Variants in GRM8 observed in about 807,000 individuals in gnomAD.
The protein encoded by GRM8 is metabotropic glutamate receptor 8.
In GRM8, 47 loss-of-function variants were observed where a neutral mutation model predicts 87.2. The observed-to-expected ratio is 0.54, with a 90% CI of 0.43 to 0.69. The LOEUF (loss-of-function observed/expected upper bound fraction) is 0.69. GRM8 is among the 30% of genes least tolerant of loss of function. The probability of loss-of-function intolerance (pLI) is 0.00; values close to 1 mark genes in which losing one functional copy is unlikely to be tolerated. For missense variants in GRM8, 1,019 were observed against 1,139.2 expected (o/e 0.89, Z 1.52); for synonymous variants, 396 against 404.5 (o/e 0.98, Z 0.25).
chr7:127,203,524 A>G (rs1216021629), intron 2 of GRM8, among the ~76,000 whole-genome samples: 1 of 152,150 alleles, frequency 6.6e-6, no homozygotes, highest in Non-Finnish European at 1.5e-5. Flanking sequence ...CCTGGCCAAC[A>G]TGGTGAAACC....
At chr7:126,769,573 T>C (rs1295601060) in intron 7 of GRM8, among the ~76,000 whole-genome samples, 1 of 152,138 alleles carries the variant, frequency 6.6e-6, no homozygotes, top group Non-Finnish European at 1.5e-5. Flanking sequence ...CTAATGTCAA[T>C]GGTTTCAAAT....
intron 7 of GRM8, among the ~76,000 whole-genome samples, chr7:126,613,516 G>A (rs571913738): frequency 1.3e-5 from 2 of 152,306 alleles, no homozygotes; most frequent in East Asian, 1.9e-4. Context: ...ACTGGGGCTT[G>A]TCGGACAGTG....
intron 3 of GRM8, among the ~76,000 whole-genome samples, chr7:126,930,269 T>A (rs1333716030): frequency 6.6e-6 from 1 of 152,234 alleles, no homozygotes; most frequent in Non-Finnish European, 1.5e-5. Context: ...TCTCCTTATT[T>A]TAATGGCAAT....
chr7:126,834,275 T>C (rs1309343319), intron 6 of GRM8, among the ~76,000 whole-genome samples: 2 of 152,178 alleles, frequency 1.3e-5, no homozygotes, highest in African/African-American at 4.8e-5. Context: ...AAAAATAAGA[T>C]TTTAAGATAG....
chr7:127,020,616 C>A (rs965615764), intron 3 of GRM8, among the ~76,000 whole-genome samples: 1 of 151,976 alleles, frequency 6.6e-6, no homozygotes, highest in Admixed American at 6.6e-5. Context: ...TTCATATTTT[C>A]CTGCAGGAAC....
chr7:126,571,422 C>A (rs565908984), intron 8 of GRM8, among the ~76,000 whole-genome samples: 2 of 152,012 alleles, frequency 1.3e-5, no homozygotes, highest in Non-Finnish European at 2.9e-5. Flanking sequence ...AACTACAGAG[C>A]CATTGATGAT....
At chr7:127,119,417 C>T (rs1263450753) in intron 2 of GRM8, among the ~76,000 whole-genome samples, 1 of 151,938 alleles carries the variant, frequency 6.6e-6, no homozygotes, top group Non-Finnish European at 1.5e-5. Flanking sequence ...ACCCGGGAGA[C>T]AGAGTTTGCA....
chr7:126,798,940 T>A (rs1220097286), intron 6 of GRM8, among the ~76,000 whole-genome samples: 5 of 151,988 alleles, frequency 3.3e-5, no homozygotes, highest in African/African-American at 1.2e-4. Context: ...GAGCAAAAGT[T>A]CCAAGGCAGA....
At chr7:126,838,148 G>A (rs1795964107) in intron 6 of GRM8, among the ~76,000 whole-genome samples, 1 of 152,120 alleles carries the variant, frequency 6.6e-6, no homozygotes. Context: ...TGCATGAACT[G>A]CTAGAGTATT....
chr7:127,024,531 A>G (rs1203060068), intron 3 of GRM8, among the ~76,000 whole-genome samples: 1 of 152,050 alleles, frequency 6.6e-6, no homozygotes, highest in Non-Finnish European at 1.5e-5. Flanking sequence ...TCCATTCTTC[A>G]TATGTCACTC....
intron 3 of GRM8, among the ~76,000 whole-genome samples, chr7:127,100,709 T>C (rs915551110): frequency 1.6e-4 from 25 of 152,172 alleles, no homozygotes; most frequent in Admixed American, 1.3e-4. Flanking sequence ...TCTTATTCAT[T>C]ACCATGAGAA....
intron 7 of GRM8, among the ~76,000 whole-genome samples, chr7:126,612,977 C>A (rs1248140611): frequency 4.6e-5 from 7 of 152,192 alleles, no homozygotes; most frequent in African/African-American, 9.7e-5. Flanking sequence ...AGTTAATCAC[C>A]AGTAGCTGAA....
At chr7:126,916,455 G>C (rs1315176712) in intron 3 of GRM8, among the ~76,000 whole-genome samples, 2 of 152,110 alleles carry the variant, frequency 1.3e-5, no homozygotes, top group Admixed American at 6.6e-5. Flanking sequence ...AAAGTATCTT[G>C]GTATCTGTGT....
chr7:126,919,249 T>TA (rs1165229640), intron 3 of GRM8, among the ~76,000 whole-genome samples: 1 of 152,154 alleles, frequency 6.6e-6, no homozygotes, highest in Non-Finnish European at 1.5e-5. Flanking sequence ...CCTTCATTTG[T>TA]AAAAAGAAGG....
chr7:126,774,415 A>T (rs1819190647), intron 6 of GRM8, among the ~76,000 whole-genome samples: 1 of 152,206 alleles, frequency 6.6e-6, no homozygotes, highest in Non-Finnish European at 1.5e-5. Context: ...AGTGCTAAAT[A>T]TCGTCAAAGG....
intron 6 of GRM8, among the ~76,000 whole-genome samples, chr7:126,877,766 T>C (rs1799657471): frequency 6.6e-6 from 1 of 152,234 alleles, no homozygotes; most frequent in African/African-American, 2.4e-5. Flanking sequence ...ATACTACTGC[T>C]CTTCCCCATG....
At chr7:127,225,084 C>G (rs28947796) in intron 2 of GRM8, among the ~76,000 whole-genome samples, 7,381 of 152,246 alleles carry the variant, frequency 0.048, 476 homozygotes, top group African/African-American at 0.13. Flanking sequence ...ACCCACAGAA[C>G]AGCAGGAAAA....
intron 2 of GRM8, among the ~76,000 whole-genome samples, chr7:127,204,802 T>A (rs1347100451): frequency 6.6e-6 from 1 of 152,224 alleles, no homozygotes; most frequent in Non-Finnish European, 1.5e-5. Context: ...GTACAATTTA[T>A]GTTTTCAATG....
intron 2 of GRM8, among the ~76,000 whole-genome samples, chr7:127,118,857 T>C (rs1826864784): frequency 1.3e-5 from 2 of 152,152 alleles, no homozygotes; most frequent in Non-Finnish European, 2.9e-5. Context: ...TACAACTCCT[T>C]TATGGTTGTA....
Sources: gnomAD v4.1 joint callset for allele counts (sites outside exome capture counted in the v4.1 genomes callset) on GRCh38, gnomAD v4.1.1 for gene constraint, MANE v1.5 for transcripts, NCBI Gene and HGNC (gene_info 2026-07-23, HGNC 2026-07-21) for gene names.